Variants in RCC1 observed in about 807,000 individuals in gnomAD.
The protein encoded by RCC1 is regulator of chromosome condensation 1, also known as regulator of chromosome condensation.
In RCC1, 11 loss-of-function variants were observed where a neutral mutation model predicts 44.4. The observed-to-expected ratio is 0.25, with a 90% CI of 0.16 to 0.41. The LOEUF (loss-of-function observed/expected upper bound fraction) is 0.41, where lower values mean the gene tolerates loss of function less well. Ranked by LOEUF, RCC1 falls within the 10% of genes least tolerant of loss-of-function variation. The pLI is 1.00. For synonymous variants in RCC1, 213 were observed against 216.5 expected, an observed-to-expected ratio of 0.98 and a Z score of 0.14; for missense variants, 386 against 547.1, an observed-to-expected ratio of 0.71 and a Z score of 2.94.
chr1:28,529,971 G>T, intron 5 of RCC1, 32 bp downstream of exon 5: 1 of 1,577,498 alleles, frequency 6.3e-7, no homozygotes. Context: ...TGTGGGTACA[G>T]GTGGCCCCTT....
intron 4 of RCC1, among the ~76,000 whole-genome samples, chr1:28,523,059 T>G (rs1178037688): frequency 2.6e-5 from 3 of 116,990 alleles, no homozygotes; most frequent in African/African-American, 3.4e-5. Context: ...TGAGACGGAG[T>G]CTTGCTCTGT....
chr1:28,520,589 G>A (rs1399712525), intron 4 of RCC1, among the ~76,000 whole-genome samples: 3 of 152,148 alleles, frequency 2.0e-5, no homozygotes, highest in African/African-American at 7.2e-5. Flanking sequence ...TCAAAGGGCA[G>A]CTGTGGGCAT....
chr1:28,528,626 C>T (rs1433686291), intron 4 of RCC1, among the ~76,000 whole-genome samples: 1 of 151,876 alleles, frequency 6.6e-6, no homozygotes, highest in Non-Finnish European at 1.5e-5. Flanking sequence ...GACTCCGTCT[C>T]AAAAAACAGA....
At chr1:28,529,319 G>T (rs1056810396) in intron 4 of RCC1, among the ~76,000 whole-genome samples, 1 of 150,970 alleles carries the variant, frequency 6.6e-6, no homozygotes, top group Non-Finnish European at 1.5e-5. Context: ...GAGTAGCTGG[G>T]ATTACAGGTG....
At chr1:28,526,440 T>C in intron 4 of RCC1, 2 of 496,256 alleles carry the variant, frequency 4.0e-6, no homozygotes, top group East Asian at 7.8e-5. Flanking sequence ...GGGTGCGATG[T>C]TTATGTGGCC....
intron 3 of RCC1, among the ~76,000 whole-genome samples, chr1:28,513,463 AG>A (rs1404232336): frequency 1.3e-5 from 2 of 152,118 alleles, no homozygotes; most frequent in Non-Finnish European, 2.9e-5. Context: ...CCAAAGTGCT[AG>A]AATTACAGGC....
chr1:28,531,986 G>A lies in RCC1; in HGVS notation c.257G>A (p.Gly86Asp). 3 of 1,572,114 alleles carry A rather than the reference G, an allele frequency of 1.9e-6. No individual in the cohort carries two copies. Among genetic ancestry groups the A allele is most frequent in the Non-Finnish European group, 2.6e-6 (3 of 1,160,774 alleles). The change falls in exon 6 of 13, where the codon GGC (glycine) becomes GAC (aspartate). Residue 86 changes from glycine (G) to aspartate (D), a missense_variant. By Grantham distance (94) the Gly-to-Asp change is moderately conservative (BLOSUM62 -1). Transcript: ENST00000683442. The stretch of plus-strand genomic sequence containing the variant: ...CACACCGTGTGTCTAAGCAAAAGTG[G>A]CCAGGTAGGTGTTGGGGACTGGCAC... Reference protein sequence around the residue: ...GMHTVCLSKSGQVYSFGCNDE... With the variant: ...GMHTVCLSKSDQVYSFGCNDE...
At chr1:28,520,800 G>A (rs75110869) in intron 4 of RCC1, among the ~76,000 whole-genome samples, 12,545 of 152,144 alleles carry the variant, frequency 0.082, 1,043 homozygotes, top group African/African-American at 0.22. Flanking sequence ...CAGAGAGGCC[G>A]GGCTCGGTGG....
At chr1:28,508,763 C>G (rs751005033) in intron 2 of RCC1, 67 bp from the exon 3 acceptor site, 4 of 517,484 alleles carry the variant, frequency 7.7e-6, no homozygotes, top group African/African-American at 5.9e-5. Flanking sequence ...GGAAACATAT[C>G]TAGTATACTA....
intron 5 of RCC1, among the ~76,000 whole-genome samples, chr1:28,530,968 A>T (rs1374175044): frequency 6.6e-6 from 1 of 152,170 alleles, no homozygotes; most frequent in Non-Finnish European, 1.5e-5. Context: ...TTCGGTGCAG[A>T]TTCTGCTATT....
At chr1:28,517,095 C>T (rs377691824) in intron 4 of RCC1, among the ~76,000 whole-genome samples, 3 of 151,110 alleles carry the variant, frequency 2.0e-5, no homozygotes, top group Admixed American at 6.6e-5. Flanking sequence ...CACTCCAGCC[C>T]GGGTGACAAG....
chr1:28,529,075 A>G (rs1368431666), intron 4 of RCC1, among the ~76,000 whole-genome samples: 2 of 132,964 alleles, frequency 1.5e-5, no homozygotes. Flanking sequence ...GGGTTTCACC[A>G]TGTTGGCCAG....
chr1:28,523,027 CT>C (rs775851239), intron 4 of RCC1, among the ~76,000 whole-genome samples: 4,954 of 90,962 alleles, frequency 0.054, 65 homozygotes, highest in Admixed American at 0.065. Flanking sequence ...GAAGAAATTT[CT>C]TTTTTTTTTT....
chr1:28,513,370 A>G (rs569648994), intron 3 of RCC1, among the ~76,000 whole-genome samples: 110 of 150,890 alleles, frequency 7.3e-4, no homozygotes, highest in African/African-American at 2.6e-3. Flanking sequence ...ATTTTTTTGT[A>G]TTTTAGTAGA....
chr1:28,530,610 G>T (rs780561548), intron 5 of RCC1: 2 of 1,603,306 alleles, frequency 1.2e-6, no homozygotes, highest in Non-Finnish European at 1.7e-6. Flanking sequence ...CAGAAAACCC[G>T]ACCAGGTGGC....
At chr1:28,526,219 A>T (rs1289225345) in intron 4 of RCC1, 3 of 176,202 alleles carry the variant, frequency 1.7e-5, no homozygotes, top group African/African-American at 7.2e-5. Context: ...CAAGAGGTCA[A>T]ACCTGCAATG....
chr1:28,521,570 A>T (rs1248480017), intron 4 of RCC1, among the ~76,000 whole-genome samples: 1 of 150,926 alleles, frequency 6.6e-6, no homozygotes, highest in African/African-American at 2.4e-5. Context: ...TTGCCAGCCC[A>T]GTGCAGGGCC....
At chr1:28,534,202 A>G (rs1393772950) in intron 7 of RCC1, among the ~76,000 whole-genome samples, 1 of 150,654 alleles carries the variant, frequency 6.6e-6, no homozygotes, top group Non-Finnish European at 1.5e-5. Context: ...TTGTTTTGAG[A>G]CGGAGTCTCG....
Position 28,538,023 on chromosome 1 carries a change from C to T in RCC1, c.*16C>T. Reference sequence around the variant, plus strand: ...ACAGAGCTGATGAAGCCTCTGAGGGCCTGGCTTCTGTCCTGCACAACCTCC... The same window carrying T: ...ACAGAGCTGATGAAGCCTCTGAGGGTCTGGCTTCTGTCCTGCACAACCTCC... On this transcript the variant is annotated 3_prime_UTR_variant, in exon 13 of 13. Transcript: ENST00000683442. 2 of 1,608,138 alleles carry T rather than the reference C, an allele frequency of 1.2e-6. No homozygotes were observed. Among genetic ancestry groups the T allele is most frequent in the East Asian group, 2.2e-5 (1 of 44,814 alleles).
Sources: allele counts gnomAD v4.1 joint callset (sites outside exome capture counted in the v4.1 genomes callset), GRCh38; gene constraint gnomAD v4.1.1; transcripts MANE v1.5; gene names NCBI Gene and HGNC (gene_info 2026-07-23, HGNC 2026-07-21).